HDHD2: variants seen among roughly 807,000 people sequenced by gnomAD.
The protein encoded by HDHD2 is haloacid dehalogenase-like hydrolase domain-containing protein 2.
A neutral mutation model predicts 24.8 loss-of-function variants in HDHD2; 26 were observed. The ratio of observed to expected loss-of-function variants is 1.05; its 90% CI spans 0.77 to 1.45. The LOEUF (loss-of-function observed/expected upper bound fraction) is 1.45, where lower values mean the gene tolerates loss of function less well. Ranked by LOEUF, HDHD2 falls within the 40% of genes most tolerant of loss-of-function variation. The pLI is 0.00. For synonymous variants in HDHD2, 128 were observed against 114.9 expected, an observed-to-expected ratio of 1.11 and a Z score of -0.73; for missense variants, 299 against 313.4, an observed-to-expected ratio of 0.95 and a Z score of 0.35.
At chr18:47,139,186 C>T (rs1410789753) in intron 1 of HDHD2, among the ~76,000 whole-genome samples, 8 of 151,994 alleles carry the variant, frequency 5.3e-5, no homozygotes, top group Non-Finnish European at 7.4e-5. Context: ...TGGCCGGGCA[C>T]GGTGGCTCAC....
intron 1 of HDHD2, among the ~76,000 whole-genome samples, chr18:47,139,499 G>A (rs1208647248): frequency 7.0e-6 from 1 of 142,512 alleles, no homozygotes; most frequent in African/African-American, 2.6e-5. Context: ...AAAATCCTTT[G>A]TAGTACATTG....
chr18:47,111,730 G>A (rs902762289), intron 6 of HDHD2: 30 of 985,190 alleles, frequency 3.0e-5, no homozygotes, highest in African/African-American at 2.6e-4. Flanking sequence ...CACTCTTTGT[G>A]CAGACCTTTG....
At chr18:47,122,436 C>A (rs947509024) in intron 4 of HDHD2, among the ~76,000 whole-genome samples, 1 of 152,110 alleles carries the variant, frequency 6.6e-6, no homozygotes, top group Non-Finnish European at 1.5e-5. Context: ...GCCAGTACCA[C>A]CACCCCTCTC....
chr18:47,135,557 G>A (rs929855936), intron 2 of HDHD2, among the ~76,000 whole-genome samples: 4 of 152,072 alleles, frequency 2.6e-5, no homozygotes, highest in Admixed American at 2.0e-4. Flanking sequence ...CACCGCGCCT[G>A]GCCTATGAGT....
At chr18:47,129,479 A>C (rs1000309879) in intron 4 of HDHD2, among the ~76,000 whole-genome samples, 10 of 152,090 alleles carry the variant, frequency 6.6e-5, no homozygotes, top group African/African-American at 1.9e-4. Context: ...CAGATTAGAA[A>C]TCTCAATGTA....
At chr18:47,118,525 G>A (rs570856334) in intron 4 of HDHD2, among the ~76,000 whole-genome samples, 5 of 152,190 alleles carry the variant, frequency 3.3e-5, no homozygotes, top group African/African-American at 4.8e-5. Flanking sequence ...AGTGGGAGCC[G>A]AGCAATGAGA....
chr18:47,143,003 A>G (rs2063833948), intron 1 of HDHD2, among the ~76,000 whole-genome samples: 1 of 152,242 alleles, frequency 6.6e-6, no homozygotes, highest in Non-Finnish European at 1.5e-5. Context: ...CCACACAAAT[A>G]TTAAATAGAT....
In HDHD2 at chr18:47,108,589, T is replaced by C; in HGVS notation, c.*93A>G. The C allele has an allele frequency of 2.9e-6, 2 of 686,666 alleles. No homozygotes were observed. The highest frequency in any genetic ancestry group is 5.2e-6 in the Non-Finnish European group (2 of 387,116). The allele number at this position is 686,666 out of a possible 1,614,324, so 42.5% of individuals were successfully genotyped here. On this transcript the variant is annotated 3_prime_UTR_variant, in exon 7 of 7. Coordinates refer to ENST00000300605, the MANE Select transcript of HDHD2 (RefSeq NM_032124.5). ...GGGTTAAAAAGCGATCAGCACTGACTGGTGTCTACCGATGCTGGCACTGAG... is the reference window on the plus strand; with the variant it reads ...GGGTTAAAAAGCGATCAGCACTGACCGGTGTCTACCGATGCTGGCACTGAG...
chr18:47,145,034 A>T (rs1408102112), intron 1 of HDHD2, among the ~76,000 whole-genome samples: 18 of 152,186 alleles, frequency 1.2e-4, no homozygotes, highest in Admixed American at 1.2e-3. Flanking sequence ...TGAGGAGAAA[A>T]CACATGAAAG....
intron 1 of HDHD2, among the ~76,000 whole-genome samples, chr18:47,140,417 A>G (rs561397219): frequency 6.3e-4 from 96 of 152,222 alleles, no homozygotes; most frequent in Non-Finnish European, 1.2e-3. Context: ...TATCATTGCT[A>G]TATTAAATTA....
At chr18:47,123,710 A>C (rs996606922) in intron 4 of HDHD2, among the ~76,000 whole-genome samples, 3 of 152,270 alleles carry the variant, frequency 2.0e-5, no homozygotes, top group Non-Finnish European at 4.4e-5. Context: ...GCAAATGTAA[A>C]AAAACAAAAA....
At chr18:47,135,203 G>C (rs938991870) in intron 2 of HDHD2, among the ~76,000 whole-genome samples, 17 of 150,948 alleles carry the variant, frequency 1.1e-4, no homozygotes, top group African/African-American at 4.1e-4. Flanking sequence ...AGTGAGGTTT[G>C]TGTCAATCTT....
In HDHD2 at chr18:47,143,916, C is replaced by G. The variant is rs2063842636; in HGVS notation, c.-11+6462G>C. Among the ~76,000 whole-genome samples, 5 of 152,146 alleles carry G rather than the reference C, an allele frequency of 3.3e-5. No individual in the cohort carries two copies. In the South Asian group the frequency reaches 1.0e-3, roughly 32 times the overall value. ...AGCTTATCGTTTCCTACCCTGACTA[C>G]TTTGAAAGAGTAAACATTTATTGAT... On this transcript the variant is annotated intron_variant, in intron 1 of 6. Transcript: ENST00000300605.
At chr18:47,135,248 T>C (rs1450455972) in intron 2 of HDHD2, among the ~76,000 whole-genome samples, 2 of 150,854 alleles carry the variant, frequency 1.3e-5, no homozygotes, top group Non-Finnish European at 3.0e-5. Flanking sequence ...TATGAGTCAC[T>C]AGATTTTTTC....
intron 6 of HDHD2, chr18:47,110,899 G>A (rs1220281230): frequency 2.0e-6 from 2 of 983,906 alleles, no homozygotes; most frequent in African/African-American, 3.5e-5. Flanking sequence ...ATTATATTGA[G>A]CATCTACCTT....
At chr18:47,114,193 T>A (rs943337889) in intron 5 of HDHD2, among the ~76,000 whole-genome samples, 3 of 152,340 alleles carry the variant, frequency 2.0e-5, no homozygotes, top group Non-Finnish European at 4.4e-5. Context: ...TCAGTGATTA[T>A]CCTATTCAAT....
intron 1 of HDHD2, chr18:47,149,022 T>C (rs2063902050): frequency 6.6e-6 from 1 of 152,196 alleles, no homozygotes; most frequent in Non-Finnish European, 1.5e-5. Context: ...CTCTAATGGT[T>C]GATAAGAGGA....
intron 6 of HDHD2, chr18:47,110,012 G>A: frequency 1.0e-6 from 1 of 985,440 alleles, no homozygotes; most frequent in Non-Finnish European, 1.2e-6. Flanking sequence ...CTCCTGCCCT[G>A]TAGCCACCAG....
chr18:47,111,266 G>C (rs776340515), intron 6 of HDHD2: 172 of 984,634 alleles, frequency 1.7e-4, no homozygotes, highest in Non-Finnish European at 2.0e-4. Flanking sequence ...AGTCACAATA[G>C]ACGACAGAGC....
Sources: gnomAD v4.1 joint callset for allele counts (sites outside exome capture counted in the v4.1 genomes callset) on GRCh38, gnomAD v4.1.1 for gene constraint, MANE v1.5 for transcripts, NCBI Gene and HGNC (gene_info 2026-07-23, HGNC 2026-07-21) for gene names.